Variants in SPATA19 observed in about 807,000 individuals in gnomAD.
The protein encoded by SPATA19 is spermatogenesis-associated protein 19, mitochondrial.
SPATA19 carries 19 observed loss-of-function variants against 25.0 expected under a neutral mutation model. The observed-to-expected ratio is 0.76, with a 90% confidence interval of 0.53 to 1.11. The LOEUF is 1.11. SPATA19 is among the 50% of genes most tolerant of loss of function. The pLI, the probability that SPATA19 is intolerant of heterozygous loss-of-function variation, is 0.00. For missense variants in SPATA19, 222 were observed against 211.4 expected (o/e 1.05, Z -0.31); for synonymous variants, 64 against 69.3 (o/e 0.92, Z 0.38).
chr11:133,839,132 A>G (rs1938257734), downstream of SPATA19, among the ~76,000 whole-genome samples: 1 of 152,238 alleles, frequency 6.6e-6, no homozygotes, highest in African/African-American at 2.4e-5. Flanking sequence ...GCGATTCCTC[A>G]GGGATCTAGA....
downstream of SPATA19, among the ~76,000 whole-genome samples, chr11:133,837,424 G>A (rs1938231672): frequency 6.6e-6 from 1 of 152,208 alleles, no homozygotes; most frequent in Admixed American, 6.5e-5. Flanking sequence ...AAAGTCCAGG[G>A]CCCAGTCATT....
intron 6 of SPATA19, among the ~76,000 whole-genome samples, 169 bp from the exon 7 acceptor site, chr11:133,841,092 T>C (rs755645361): frequency 1.7e-4 from 26 of 152,194 alleles, no homozygotes; most frequent in Non-Finnish European, 2.8e-4. Flanking sequence ...GCATTTACCA[T>C]GTGCTAGACA....
chr11:133,839,188 C>T (rs1938258849), downstream of SPATA19, among the ~76,000 whole-genome samples: 2 of 152,294 alleles, frequency 1.3e-5, no homozygotes, highest in Non-Finnish European at 2.9e-5. Context: ...TGGGTATATA[C>T]CCAAAGGATT....
At chr11:133,842,280 A>C (rs1013598533) in intron 5 of SPATA19, among the ~76,000 whole-genome samples, 175 bp from the exon 6 acceptor site, 3 of 152,238 alleles carry the variant, frequency 2.0e-5, no homozygotes, top group Non-Finnish European at 4.4e-5. Context: ...CCTTCTGTGC[A>C]CTGGCAGACA....
chr11:133,843,000 T>G (rs1938343392), intron 4 of SPATA19, among the ~76,000 whole-genome samples: 1 of 152,200 alleles, frequency 6.6e-6, no homozygotes, highest in Non-Finnish European at 1.5e-5. Flanking sequence ...CTGGGGAGCC[T>G]CCTTGCTTTG....
intron 4 of SPATA19, 94 bp from the exon 5 acceptor site, chr11:133,842,656 G>A: frequency 2.0e-6 from 2 of 979,388 alleles, no homozygotes; most frequent in South Asian, 2.6e-5. Context: ...TGCAAACAAT[G>A]ACTCTTGCCC....
chr11:133,842,844 T>TTA (rs1938338863), intron 4 of SPATA19, among the ~76,000 whole-genome samples: 1 of 152,152 alleles, frequency 6.6e-6, no homozygotes, highest in South Asian at 2.1e-4. Context: ...AGCAGTGGTC[T>TTA]CGTGAGCCGT....
At chr11:133,841,778 GCAGTGCTCTCTGA>G (rs1402671803) in intron 6 of SPATA19, among the ~76,000 whole-genome samples, 1 of 152,186 alleles carries the variant, frequency 6.6e-6, no homozygotes, top group Non-Finnish European at 1.5e-5. Flanking sequence ...TGATGGAGAG[GCAGTGCTCTCTGA>G]CACCACAGAG....
downstream of SPATA19, among the ~76,000 whole-genome samples, chr11:133,836,419 T>C (rs1382425077): frequency 1.3e-5 from 2 of 152,178 alleles, no homozygotes; most frequent in Non-Finnish European, 2.9e-5. Flanking sequence ...TCTCCCTTCC[T>C]TGTGCAGTGT....
intron 6 of SPATA19, 22 bp downstream of exon 6, chr11:133,842,008 C>T (rs564850643): frequency 6.2e-7 from 1 of 1,608,420 alleles, no homozygotes; most frequent in Admixed American, 1.7e-5. Flanking sequence ...CTGCCCAGTT[C>T]CTCATCCGTC....
At chr11:133,838,042 C>T (rs190193651), downstream of SPATA19, among the ~76,000 whole-genome samples, 11 of 152,110 alleles carry the variant, frequency 7.2e-5, no homozygotes, top group Admixed American at 1.3e-4. Context: ...GCCTATTTAC[C>T]GCAGCTCCTT....
intron 4 of SPATA19, among the ~76,000 whole-genome samples, chr11:133,843,790 G>A (rs1050589033): frequency 6.6e-5 from 10 of 152,200 alleles, no homozygotes; most frequent in African/African-American, 1.2e-4. Flanking sequence ...CAGTGGGGAC[G>A]GCTGTGAGCT....
rs1273522931 is a variant in SPATA19 at position 133,845,073 on chromosome 11, C to A, written c.135+61G>T. 2.8e-6 allele frequency: 4 copies of A among 1,422,520 alleles called. No individual in the cohort carries two copies. The Admixed American group carries it at 5.3e-5, about 19-fold the overall frequency. 88.1% of individuals were successfully genotyped at this position (1,422,520 alleles called of 1,614,324 possible). A position where few individuals can be genotyped will look rare whatever the true frequency, so the allele number is the denominator to read the frequency against. On this transcript the variant is annotated intron_variant, in intron 2 of 6. Transcript: ENST00000299140. The stretch of plus-strand genomic sequence containing the variant: ...GAAGAAGGAAGTCCAGATCCCCACA[C>A]CCACTGAGACCACTTCTCTAGCATT...
chr11:133,836,361 G>C (rs1000053889), downstream of SPATA19, among the ~76,000 whole-genome samples: 1 of 152,186 alleles, frequency 6.6e-6, no homozygotes, highest in African/African-American at 2.4e-5. Context: ...GAAAGTCCAG[G>C]TGTCCTGGCC....
At chr11:133,843,761 T>A (rs930082512) in intron 4 of SPATA19, among the ~76,000 whole-genome samples, 1 of 152,174 alleles carries the variant, frequency 6.6e-6, no homozygotes, top group Non-Finnish European at 1.5e-5. Flanking sequence ...GGGCTCAGCA[T>A]CTGCAGAGCC....
chr11:133,836,461 C>A (rs987150673), downstream of SPATA19, among the ~76,000 whole-genome samples: 1 of 152,198 alleles, frequency 6.6e-6, no homozygotes, highest in Non-Finnish European at 1.5e-5. Flanking sequence ...CAACAACAAC[C>A]GAATTGATCC....
downstream of SPATA19, among the ~76,000 whole-genome samples, chr11:133,836,216 CACTT>C (rs1380803117): frequency 1.3e-5 from 2 of 152,186 alleles, no homozygotes; most frequent in Non-Finnish European, 2.9e-5. Flanking sequence ...AGAGCCCTCT[CACTT>C]GCTGCTGCCC....
At position 133,840,917 on chromosome 11, in the gene SPATA19, GC is replaced by G. The variant is rs1938292098; in HGVS notation, c.*15del. The stretch of plus-strand genomic sequence containing the variant: ...CCCCACTGTTCTCCGCGTTCCCAAA[GC>G]TCCATCTAGAGAGCAGAAACCCATG... On this transcript the variant is annotated 3_prime_UTR_variant, in exon 7 of 7. Coordinates refer to ENST00000299140, the MANE Select transcript of SPATA19 (RefSeq NM_174927.3). The G allele has an allele frequency of 6.6e-6, 1 of 152,194 alleles. No individual in the cohort carries two copies. Among genetic ancestry groups the G allele is most frequent in the African/African-American group, 2.4e-5 (1 of 41,414 alleles). 9.4% of individuals were successfully genotyped at this position (152,194 alleles called of 1,614,324 possible). A position where few individuals can be genotyped will look rare whatever the true frequency, so the allele number is the denominator to read the frequency against.
chr11:133,843,480 G>T (rs1399402714), intron 4 of SPATA19, among the ~76,000 whole-genome samples: 1 of 152,158 alleles, frequency 6.6e-6, no homozygotes, highest in African/African-American at 2.4e-5. Context: ...CCACTAGAAG[G>T]GGTAAGCACA....
Sources: allele counts gnomAD v4.1 joint callset (sites outside exome capture counted in the v4.1 genomes callset), GRCh38; gene constraint gnomAD v4.1.1; transcripts MANE v1.5; gene names NCBI Gene and HGNC (gene_info 2026-07-23, HGNC 2026-07-21).